ATF7IP: variants seen among roughly 807,000 people sequenced by gnomAD.
ATF7IP encodes activating transcription factor 7-interacting protein 1.
In ATF7IP, 23 loss-of-function variants were observed where a neutral mutation model predicts 106.4. The observed-to-expected ratio is 0.22, with a 90% confidence interval of 0.16 to 0.31. The LOEUF is 0.31. Among genes scored for constraint, ATF7IP ranks in the 10% least tolerant of loss-of-function variants. ATF7IP has a pLI of 1.00. For synonymous variants in ATF7IP, 542 were observed against 539.0 expected (o/e 1.01, Z -0.08); for missense variants, 1,334 against 1,524.3 (o/e 0.88, Z 2.08).
intron 12 of ATF7IP, among the ~76,000 whole-genome samples, chr12:14,479,242 T>C (rs1250575754): frequency 1.3e-5 from 2 of 152,228 alleles, no homozygotes; most frequent in South Asian, 2.1e-4. Flanking sequence ...CAAGAAGTTA[T>C]AACTGACTGA....
Position 14,499,338 on chromosome 12 carries a change from T to TA in ATF7IP, c.*1268dup, listed in dbSNP as rs1262938534. 1 of 152,240 alleles carries TA rather than the reference T, an allele frequency of 6.6e-6. No homozygotes were observed. The highest frequency in any genetic ancestry group is 1.9e-4 in the East Asian group (1 of 5,208). The allele number at this position is 152,240 out of a possible 1,614,324, so 9.4% of individuals were successfully genotyped here. A position where few individuals can be genotyped will look rare whatever the true frequency, so the allele number is the denominator to read the frequency against. On this transcript the variant is annotated 3_prime_UTR_variant, in exon 15 of 15. Transcript: ENST00000261168. ...TTTTTGGTCACTATTTAACTTTGTGTAAAGTGGACCAAGAGAAAACCATAT... is the reference window on the plus strand; with the variant it reads ...TTTTTGGTCACTATTTAACTTTGTGTAAAAGTGGACCAAGAGAAAACCATAT...
At chr12:14,404,190 A>G (rs1189766816) in intron 1 of ATF7IP, among the ~76,000 whole-genome samples, 2 of 152,006 alleles carry the variant, frequency 1.3e-5, no homozygotes, top group Non-Finnish European at 2.9e-5. Context: ...AGTTCATGGA[A>G]ACTAGAGAAC....
chr12:14,399,483 C>A (rs564926663), intron 1 of ATF7IP, among the ~76,000 whole-genome samples: 6 of 151,876 alleles, frequency 4.0e-5, no homozygotes, highest in Non-Finnish European at 2.9e-5. Context: ...GCCTAGGTGT[C>A]AAAAAATTTT....
At chr12:14,465,075 G>C (rs1399475791) in intron 9 of ATF7IP, among the ~76,000 whole-genome samples, 1 of 152,074 alleles carries the variant, frequency 6.6e-6, no homozygotes, top group Non-Finnish European at 1.5e-5. Context: ...AATTAGCCAG[G>C]CATGGTGGCA....
intron 1 of ATF7IP, among the ~76,000 whole-genome samples, chr12:14,404,787 T>C (rs1940465620): frequency 6.6e-6 from 1 of 152,110 alleles, no homozygotes; most frequent in Admixed American, 6.6e-5. Flanking sequence ...CAGAAGACCA[T>C]GGGTATCAGT....
intron 1 of ATF7IP, among the ~76,000 whole-genome samples, chr12:14,413,814 C>T (rs959344079): frequency 2.0e-5 from 3 of 151,862 alleles, no homozygotes; most frequent in South Asian, 2.1e-4. Flanking sequence ...ATTTATAAGG[C>T]ATGGTTGGGA....
intron 13 of ATF7IP, among the ~76,000 whole-genome samples, chr12:14,488,551 A>G (rs996371127): frequency 6.6e-6 from 1 of 152,154 alleles, no homozygotes; most frequent in Non-Finnish European, 1.5e-5. Flanking sequence ...CCACTGACTC[A>G]AATGTTAATC....
chr12:14,382,881 G>A (rs1348012925), intron 1 of ATF7IP, among the ~76,000 whole-genome samples: 1 of 152,174 alleles, frequency 6.6e-6, no homozygotes, highest in East Asian at 1.9e-4. Flanking sequence ...TTGGGGATGT[G>A]CGTATTAAGG....
chr12:14,437,362 C>G (rs533142803), intron 4 of ATF7IP, among the ~76,000 whole-genome samples: 30 of 152,262 alleles, frequency 2.0e-4, no homozygotes, highest in African/African-American at 7.0e-4. Flanking sequence ...TGTAGAAACT[C>G]TCAGTGTTGT....
rs758833856 is a variant in ATF7IP, at chr12:14,424,214, A to G, written c.299A>G (p.Lys100Arg). The change falls in exon 2 of 15, where the codon AAA becomes AGA. Residue 100 changes from lysine (K) to arginine (R), a missense_variant. Around this residue, in one of 10 missense-constraint regions of ATF7IP, gnomAD observed 438 missense variants for 405.3 expected, o/e 1.08. Coordinates refer to ENST00000261168, the MANE Select transcript of ATF7IP (RefSeq NM_018179.5). ...ETPCILSVNV[K>R]NKQDDDLNCE... is the part of the protein sequence containing the mutation. Reference sequence around the variant, plus strand: ...CCCTGTATCCTAAGTGTTAATGTAAAAAACAAGCAGGATGATGATTTAAAT... The same window carrying G: ...CCCTGTATCCTAAGTGTTAATGTAAGAAACAAGCAGGATGATGATTTAAAT... The G allele has an allele frequency of 2.5e-6, 4 of 1,614,232 alleles. No homozygotes were observed. Among genetic ancestry groups the G allele is most frequent in the Non-Finnish European group, 8.5e-7 (1 of 1,180,030 alleles).
chr12:14,403,359 G>A (rs879799413), intron 1 of ATF7IP, among the ~76,000 whole-genome samples: 1 of 151,790 alleles, frequency 6.6e-6, no homozygotes, highest in Non-Finnish European at 1.5e-5. Context: ...TCATCTTTTA[G>A]TAGTTAACCA....
chr12:14,373,632 G>A (rs1004528464), intron 1 of ATF7IP, among the ~76,000 whole-genome samples: 3 of 152,140 alleles, frequency 2.0e-5, no homozygotes, highest in Non-Finnish European at 4.4e-5. Flanking sequence ...AAAGAGAAAT[G>A]GATATTAATG....
chr12:14,378,155 T>C (rs1461476922), intron 1 of ATF7IP, among the ~76,000 whole-genome samples: 6 of 149,316 alleles, frequency 4.0e-5, no homozygotes, highest in Non-Finnish European at 4.4e-5. Flanking sequence ...TGGAGTGCGG[T>C]GGCATGATCT....
intron 13 of ATF7IP, among the ~76,000 whole-genome samples, chr12:14,483,618 G>A (rs61922694): frequency 3.9e-5 from 6 of 152,094 alleles, no homozygotes; most frequent in Non-Finnish European, 8.8e-5. Context: ...AAGGTGAGTG[G>A]TGCTACTTCC....
At chr12:14,415,108 C>G (rs1379416915) in intron 1 of ATF7IP, among the ~76,000 whole-genome samples, 3 of 152,074 alleles carry the variant, frequency 2.0e-5, no homozygotes, top group African/African-American at 7.2e-5. Flanking sequence ...GAGATAAATA[C>G]AAGACCTTCT....
intron 5 of ATF7IP, among the ~76,000 whole-genome samples, chr12:14,439,615 G>A (rs1220104655): frequency 1.3e-5 from 2 of 152,176 alleles, no homozygotes; most frequent in African/African-American, 4.8e-5. Context: ...TGAATCTCTT[G>A]AGTCTAGCAG....
intron 12 of ATF7IP, 131 bp downstream of exon 12, chr12:14,478,603 C>T: frequency 1.0e-6 from 1 of 988,290 alleles, no homozygotes; most frequent in Non-Finnish European, 1.5e-6. Context: ...AGTGCATGTC[C>T]TTTTGAAGGC....
chr12:14,424,679 C>T lies in ATF7IP; in HGVS notation c.764C>T (p.Ala255Val), dbSNP rs143487104. 4.3e-6 allele frequency: 7 copies of T among 1,614,046 alleles called. No individual in the cohort carries two copies. The highest frequency in any genetic ancestry group is 4.0e-5 in the African/African-American group (3 of 74,916). The change falls in exon 2 of 15, where the codon GCC becomes GTC. Residue 255 changes from alanine to valine, a missense_variant. Physicochemically the swap from Ala to Val is moderately conservative, Grantham distance 64. This residue lies in a region of ATF7IP where 438 missense variants were observed against 405.3 expected (regional missense o/e 1.08). Coordinates refer to ENST00000261168, the MANE Select transcript of ATF7IP (RefSeq NM_018179.5). Reference sequence around the variant, plus strand: ...ACTGATCCAGCCTCTGATGATCTGGCCTCTGGTGATCTATCCTCTAGTGAA... The same window carrying T: ...ACTGATCCAGCCTCTGATGATCTGGTCTCTGGTGATCTATCCTCTAGTGAA... ...ASTDPASDDL[A>V]SGDLSSSELA...
At position 14,425,419 on chromosome 12, in the gene ATF7IP, T is replaced by G; in HGVS notation, c.1504T>G (p.Ser502Ala). 1 of 1,598,536 alleles carries G rather than the reference T, an allele frequency of 6.3e-7. No homozygotes were observed. The highest frequency in any genetic ancestry group is 1.7e-4 in the Middle Eastern group (1 of 5,962). The change falls in exon 2 of 15, where the codon TCG becomes GCG. Residue 502 changes from serine to alanine, a missense_variant. Around this residue, in one of 10 missense-constraint regions of ATF7IP, gnomAD observed 119 missense variants for 117.8 expected, o/e 1.01. Transcript: ENST00000261168. ...GGTCCTCTCTGATGAAGAGGATATT[T>G]CGGGTGAAAAAGATGAGTCTGAAGT... ...FLVLSDEEDI[S>A]GEKDESEVIS...
Sources: allele counts gnomAD v4.1 joint callset (sites outside exome capture counted in the v4.1 genomes callset), GRCh38; gene constraint gnomAD v4.1.1; regional missense constraint gnomAD v4.1.1; transcripts MANE v1.5; gene names NCBI Gene and HGNC (gene_info 2026-07-23, HGNC 2026-07-21).